Variants in MACROD2 observed in about 807,000 individuals in gnomAD.
MACROD2 encodes mono-ADP ribosylhydrolase 2.
A neutral mutation model predicts 70.4 loss-of-function variants in MACROD2; 36 were observed. The ratio of observed to expected loss-of-function variants is 0.51; its 90% confidence interval spans 0.39 to 0.68. The LOEUF is 0.68. Ranked by LOEUF, MACROD2 falls within the 30% of genes least tolerant of loss-of-function variation. The pLI is 0.00. For missense variants in MACROD2, 496 were observed against 538.4 expected, an observed-to-expected ratio of 0.92 and a Z score of 0.78; for synonymous variants, 172 against 178.8, an observed-to-expected ratio of 0.96 and a Z score of 0.30.
At chr20:14,687,627 A>G (rs561028004) in intron 5 of MACROD2, among the ~76,000 whole-genome samples, 142 of 152,272 alleles carry the variant, frequency 9.3e-4, no homozygotes, top group African/African-American at 3.1e-3. Context: ...CAATGGGACT[A>G]GCTACAGAAT....
chr20:15,152,672 C>T (rs572463955), intron 5 of MACROD2, among the ~76,000 whole-genome samples: 1 of 151,876 alleles, frequency 6.6e-6, no homozygotes, highest in Admixed American at 6.6e-5. Context: ...GGTTCTTGCC[C>T]CTCCCCCAGA....
chr20:14,678,264 TTACTCA>T (rs1467667923), intron 4 of MACROD2, among the ~76,000 whole-genome samples: 1 of 152,130 alleles, frequency 6.6e-6, no homozygotes, highest in Non-Finnish European at 1.5e-5. Flanking sequence ...TATATCACTT[TTACTCA>T]TACTCTTTAA....
At chr20:14,768,068 T>C (rs941360714) in intron 5 of MACROD2, among the ~76,000 whole-genome samples, 2 of 152,150 alleles carry the variant, frequency 1.3e-5, no homozygotes, top group Admixed American at 1.3e-4. Flanking sequence ...TTCCAAGTCT[T>C]TGCTATTGTG....
intron 8 of MACROD2, among the ~76,000 whole-genome samples, chr20:15,527,722 C>A (rs1181133494): frequency 6.6e-6 from 1 of 152,184 alleles, no homozygotes; most frequent in East Asian, 1.9e-4. Context: ...TAGTAAATAT[C>A]TCTCCAGTGT....
At chr20:15,949,404 G>T (rs142796742) in intron 12 of MACROD2, among the ~76,000 whole-genome samples, 1 of 152,110 alleles carries the variant, frequency 6.6e-6, no homozygotes, top group Non-Finnish European at 1.5e-5. Flanking sequence ...ATATGCTAAC[G>T]CAGGTTAGAG....
At chr20:15,357,846 G>A (rs376249011) in intron 6 of MACROD2, among the ~76,000 whole-genome samples, 2 of 142,368 alleles carry the variant, frequency 1.4e-5, no homozygotes, top group Non-Finnish European at 1.5e-5. Flanking sequence ...TTGCTGTGTC[G>A]CCCAGGCTGG....
At chr20:14,370,374 T>G (rs2083310831) in intron 3 of MACROD2, among the ~76,000 whole-genome samples, 1 of 152,178 alleles carries the variant, frequency 6.6e-6, no homozygotes, top group Non-Finnish European at 1.5e-5. Context: ...CCAAATAGAC[T>G]GAAAGGACTT....
chr20:15,626,275 C>G (rs1169148750), intron 8 of MACROD2, among the ~76,000 whole-genome samples: 2 of 152,166 alleles, frequency 1.3e-5, no homozygotes, highest in African/African-American at 4.8e-5. Context: ...TTATTACACA[C>G]TGGGATATGT....
intron 8 of MACROD2, among the ~76,000 whole-genome samples, chr20:15,783,465 G>T (rs1015482442): frequency 3.9e-5 from 6 of 151,982 alleles, no homozygotes; most frequent in Non-Finnish European, 7.4e-5. Flanking sequence ...CTATCACTCT[G>T]GGGAGTCTCC....
chr20:14,944,936 C>T (rs1311564077), intron 5 of MACROD2, among the ~76,000 whole-genome samples: 1 of 152,096 alleles, frequency 6.6e-6, no homozygotes, highest in Non-Finnish European at 1.5e-5. Context: ...TTTGTGGAAA[C>T]GCCAATTCCT....
At chr20:15,405,513 T>C (rs1431361657) in intron 6 of MACROD2, among the ~76,000 whole-genome samples, 1 of 152,142 alleles carries the variant, frequency 6.6e-6, no homozygotes, top group African/African-American at 2.4e-5. Flanking sequence ...GGCAGAAATC[T>C]CTACTGAAGT....
intron 6 of MACROD2, among the ~76,000 whole-genome samples, chr20:15,392,426 TATG>T (rs1411527542): frequency 6.6e-6 from 1 of 152,218 alleles, no homozygotes; most frequent in African/African-American, 2.4e-5. Context: ...TTTTAATTTT[TATG>T]ATGGCTTTTG....
chr20:14,475,044 T>G (rs2123055838), intron 3 of MACROD2, among the ~76,000 whole-genome samples: 1 of 152,176 alleles, frequency 6.6e-6, no homozygotes, highest in African/African-American at 2.4e-5. Flanking sequence ...TCTTTTTCTC[T>G]TACTTTCCTT....
intron 6 of MACROD2, among the ~76,000 whole-genome samples, chr20:15,298,223 C>A (rs760626132): frequency 6.6e-6 from 1 of 152,192 alleles, no homozygotes; most frequent in African/African-American, 2.4e-5. Flanking sequence ...CTACTGAAGC[C>A]TCTGGAACAG....
At chr20:15,829,054 G>T (rs1255691409) in intron 8 of MACROD2, among the ~76,000 whole-genome samples, 1 of 151,784 alleles carries the variant, frequency 6.6e-6, no homozygotes, top group Non-Finnish European at 1.5e-5. Flanking sequence ...ATTACCTTTT[G>T]CCCCAGTCAG....
intron 8 of MACROD2, among the ~76,000 whole-genome samples, chr20:15,551,698 G>A (rs1007501396): frequency 6.6e-5 from 10 of 151,808 alleles, no homozygotes; most frequent in South Asian, 2.1e-4. Context: ...GCGGAACCCC[G>A]TCTCTACAAA....
chr20:15,294,781 G>A (rs2146113828), intron 6 of MACROD2, among the ~76,000 whole-genome samples: 1 of 152,266 alleles, frequency 6.6e-6, no homozygotes, highest in South Asian at 2.1e-4. Context: ...TTGGTTTTTA[G>A]TGACAGAAAA....
intron 5 of MACROD2, among the ~76,000 whole-genome samples, chr20:15,166,012 A>G (rs1045834671): frequency 2.6e-5 from 4 of 152,196 alleles, no homozygotes; most frequent in Non-Finnish European, 4.4e-5. Context: ...TACATATTGC[A>G]TGATTCTATT....
intron 3 of MACROD2, among the ~76,000 whole-genome samples, chr20:14,413,232 T>C (rs1667682142): frequency 6.7e-6 from 1 of 150,126 alleles, no homozygotes; most frequent in African/African-American, 2.4e-5. Flanking sequence ...TACGTGCGTG[T>C]GTACCTATTA....
Sources: gnomAD v4.1 joint callset for allele counts (sites outside exome capture counted in the v4.1 genomes callset) on GRCh38, gnomAD v4.1.1 for gene constraint, MANE v1.5 for transcripts, NCBI Gene and HGNC (gene_info 2026-07-23, HGNC 2026-07-21) for gene names.